Variants in HMCN2 observed in about 807,000 individuals in gnomAD.
HMCN2 encodes hemicentin-2.
In HMCN2, 325 loss-of-function variants were observed where a neutral mutation model predicts 377.5. That is an observed-to-expected ratio of 0.86 (90% CI 0.79 to 0.94). The LOEUF (loss-of-function observed/expected upper bound fraction) is 0.94, where lower values mean the gene tolerates loss of function less well. HMCN2 is among the 40% of genes least tolerant of loss of function. HMCN2 has a pLI of 0.00. For synonymous variants in HMCN2, 2,007 were observed against 2,046.8 expected, an observed-to-expected ratio of 0.98 and a Z score of 0.53; for missense variants, 4,543 against 4,725.3, an observed-to-expected ratio of 0.96 and a Z score of 1.13.
At position 130,366,539 on chromosome 9, in the gene HMCN2, C is replaced by T. The variant is rs185359573; in HGVS notation, c.6625+544C>T. Among the ~76,000 whole-genome samples the T allele has an allele frequency of 3.2e-3, 466 of 146,830 alleles. 1 individual carries two copies. The highest frequency in any genetic ancestry group is 8.5e-3 in the Admixed American group (121 of 14,208). On this transcript the variant is annotated intron_variant, in intron 43 of 97. Coordinates refer to ENST00000683500, the MANE Select transcript of HMCN2 (RefSeq NM_001291815.2). ...CACGATCTCAGCTCATTGCAACCTC[C>T]GCCTCCTGGGTTGGAGTGATTCTCC... is the stretch of plus-strand genomic sequence containing the variant.
intron 59 of HMCN2, 77 bp downstream of exon 59, chr9:130,384,875 C>T (rs764855604): frequency 6.1e-5 from 61 of 995,506 alleles, no homozygotes; most frequent in Non-Finnish European, 8.2e-5. Flanking sequence ...CCCCAGAGAA[C>T]ATAGACAGGA....
intron 1 of HMCN2, among the ~76,000 whole-genome samples, chr9:130,271,302 A>G (rs932637662): frequency 1.3e-5 from 2 of 148,810 alleles, no homozygotes; most frequent in African/African-American, 4.9e-5. Flanking sequence ...GCCCACGTTT[A>G]AAAAGCGGGG....
At position 130,380,180 on chromosome 9, in the gene HMCN2, A is replaced by T. The variant is rs74551115; in HGVS notation, c.8431+713A>T. 3.7e-3 allele frequency among the ~76,000 whole-genome samples: 557 copies of T among 152,328 alleles called. 5 individuals are homozygous for T. Among genetic ancestry groups the T allele is most frequent in the African/African-American group, 0.013 (532 of 41,576 alleles). The stretch of plus-strand genomic sequence containing the variant: ...TAGGCGTGAGCCACCACGCTCAGCC[A>T]GGTTTTGTTTTTTCTTTCACCACCT... On this transcript the variant is annotated intron_variant, in intron 54 of 97. Coordinates refer to ENST00000683500, the MANE Select transcript of HMCN2 (RefSeq NM_001291815.2).
At chr9:130,353,232 G>A (rs929066503) in intron 31 of HMCN2, 27 bp downstream of exon 31, 11 of 1,298,042 alleles carry the variant, frequency 8.5e-6, no homozygotes, top group African/African-American at 6.1e-5. Flanking sequence ...CACGGCAGCC[G>A]GGGTGGGCAG....
chr9:130,410,140 A>G (rs960373789), intron 84 of HMCN2, among the ~76,000 whole-genome samples: 13 of 152,322 alleles, frequency 8.5e-5, no homozygotes, highest in African/African-American at 2.9e-4. Context: ...TTGTTTTCCT[A>G]TAGTTATTGA....
At chr9:130,410,793 T>C (rs1048827652) in intron 85 of HMCN2, 141 bp downstream of exon 85, 7 of 746,494 alleles carry the variant, frequency 9.4e-6, no homozygotes, top group Admixed American at 4.3e-5. Flanking sequence ...CACTGAATCC[T>C]ACCAAATGTT....
chr9:130,298,796 C>T (rs1455144157), intron 7 of HMCN2, among the ~76,000 whole-genome samples: 3 of 152,110 alleles, frequency 2.0e-5, no homozygotes, highest in East Asian at 1.9e-4. Flanking sequence ...ATTGGGAAGC[C>T]GTGGTTGGAC....
intron 1 of HMCN2, among the ~76,000 whole-genome samples, chr9:130,273,109 T>C (rs1834490939): frequency 6.6e-6 from 1 of 152,076 alleles, no homozygotes; most frequent in Non-Finnish European, 1.5e-5. Flanking sequence ...AGTTTTTCTT[T>C]GTAAAGATTC....
rs1844535416 is a variant in HMCN2 at position 130,428,579 on chromosome 9, G to A, written c.14197+90G>A. On this transcript the variant is annotated intron_variant, in intron 93 of 97. Coordinates refer to ENST00000683500, the MANE Select transcript of HMCN2 (RefSeq NM_001291815.2). The surrounding 1 kb of genome is among the most constrained non-coding windows in gnomAD (Gnocchi z 5.0). ...CTGACAGGGGGCTGTGTGTCACTGG[G>A]CTCTGGGCTTCCAGGAAGACTGGGA... The A allele has an allele frequency of 6.8e-7, 1 of 1,470,332 alleles. No individual in the cohort carries two copies. Among genetic ancestry groups the A allele is most frequent in the South Asian group, 1.3e-5 (1 of 77,692 alleles). The allele number at this position is 1,470,332 out of a possible 1,614,324, so 91.1% of individuals were successfully genotyped here.
chr9:130,351,710 C>A lies in HMCN2; in HGVS notation c.4585+133C>A. 1.6e-6 allele frequency: 1 copy of A among 622,264 alleles called. No individual in the cohort carries two copies. The highest frequency in any genetic ancestry group is 2.3e-6 in the Non-Finnish European group (1 of 434,302). The allele number at this position is 622,264 out of a possible 1,614,324, so 38.5% of individuals were successfully genotyped here. A position where few individuals can be genotyped will look rare whatever the true frequency, so the allele number is the denominator to read the frequency against. On this transcript the variant is annotated intron_variant, in intron 30 of 97. Transcript: ENST00000683500. The surrounding 1 kb of genome is among the most constrained non-coding windows in gnomAD (Gnocchi z 5.4). ...TGAGTGATCCCTGAGTCCAAGAAAG[C>A]TGGGGGCTGGGGTCGGGGTTGGGGT...
intron 94 of HMCN2, chr9:130,429,974 A>G: frequency 1.7e-6 from 1 of 592,548 alleles, no homozygotes. Context: ...TGTGGAGGCA[A>G]GTGGGTGTAT....
chr9:130,274,242 C>T (rs1834555827), intron 1 of HMCN2, among the ~76,000 whole-genome samples: 1 of 152,006 alleles, frequency 6.6e-6, no homozygotes, highest in Non-Finnish European at 1.5e-5. Context: ...TTAGTAGAGA[C>T]AGGGTTTCAC....
rs1180634436 is a variant in HMCN2 at position 130,369,838 on chromosome 9, G to A, written c.7056G>A (p.Glu2352=). 1 of 986,016 alleles carries A rather than the reference G, an allele frequency of 1.0e-6. No individual in the cohort carries two copies. Among genetic ancestry groups the A allele is most frequent in the East Asian group, 1.1e-4 (1 of 8,836 alleles). 61.1% of individuals were successfully genotyped at this position (986,016 alleles called of 1,614,324 possible). ...NLAGRAERKF[E]LSVLVPPELI... is the part of the protein sequence containing the mutation. ...CTGGGAGGGCAGAGAGGAAGTTTGA[G>A]CTCTCCGTACTGGGTGAGGACCGGC... Residue 2352 remains glutamate (E), a synonymous_variant, in exon 45 of 98, where the codon GAG becomes GAA. Coordinates refer to ENST00000683500, the MANE Select transcript of HMCN2 (RefSeq NM_001291815.2). This position sits in a 1 kb window ranked among gnomAD's most constrained non-coding sequence, Gnocchi z 4.5.
chr9:130,271,068 G>T (rs1222477928), intron 1 of HMCN2, among the ~76,000 whole-genome samples: 1 of 148,578 alleles, frequency 6.7e-6, no homozygotes, highest in Non-Finnish European at 1.5e-5. Context: ...TTTTTTTCCA[G>T]TTAGACTGGG....
At chr9:130,373,172 C>T (rs937703665) in intron 48 of HMCN2, 48 bp downstream of exon 48, 4 of 773,156 alleles carry the variant, frequency 5.2e-6, no homozygotes, top group Admixed American at 1.2e-4. Flanking sequence ...CGGGAAGGCA[C>T]CTTCAGAAAG....
chr9:130,303,387 G>A lies in HMCN2; in HGVS notation c.1422-100G>A, dbSNP rs1247238909. 1 of 325,976 alleles carries A rather than the reference G, an allele frequency of 3.1e-6. No individual in the cohort carries two copies. Among genetic ancestry groups the A allele is most frequent in the Non-Finnish European group, 6.6e-6 (1 of 152,360 alleles). 20.2% of individuals were successfully genotyped at this position (325,976 alleles called of 1,614,324 possible). ...TCTTACCGCATCTCACAGAGGAATT[G>A]GGGTCTCTCGTTTGGGCAGGATTCA... On this transcript the variant is annotated intron_variant, in intron 9 of 97. Transcript: ENST00000683500. This position sits in a 1 kb window ranked among gnomAD's most constrained non-coding sequence, Gnocchi z 5.2.
At chr9:130,362,255 G>A in intron 39 of HMCN2, 90 bp downstream of exon 39, 1 of 900,288 alleles carries the variant, frequency 1.1e-6, no homozygotes, top group East Asian at 1.2e-4. Flanking sequence ...CTTAGGGTGA[G>A]GGAGAAGCAG....
At chr9:130,385,050 G>C (rs11244110) in intron 59 of HMCN2, among the ~76,000 whole-genome samples, 1 of 152,016 alleles carries the variant, frequency 6.6e-6, no homozygotes, top group Admixed American at 6.5e-5. Context: ...CAAGGCTCGT[G>C]GTCTTCAGAA....
chr9:130,357,957 T>C lies in HMCN2; in HGVS notation c.5549T>C (p.Val1850Ala), dbSNP rs902944151. The C allele has an allele frequency of 6.1e-6, 8 of 1,304,144 alleles. No individual in the cohort carries two copies. Among genetic ancestry groups the C allele is most frequent in the Non-Finnish European group, 8.1e-6 (8 of 988,896 alleles). The allele number at this position is 1,304,144 out of a possible 1,614,324, so 80.8% of individuals were successfully genotyped here. Residue 1850 changes from valine to alanine, a missense_variant, in exon 35 of 98, where the codon GTA becomes GCA. Transcript: ENST00000683500. ...AGCCTCCGTTGGTGGAAGGATGGTG[T>C]AGCCCTGGCAGCCTTTGGGGGGAAC... ...TPSLRWWKDG[V>A]ALAAFGGNLQ...
Sources: gnomAD v4.1 joint callset for allele counts (sites outside exome capture counted in the v4.1 genomes callset) on GRCh38, gnomAD v4.1.1 for gene constraint, Gnocchi (gnomAD v3.1) non-coding constraint, MANE v1.5 for transcripts, NCBI Gene and HGNC (gene_info 2026-07-23, HGNC 2026-07-21) for gene names.